ZNF423: variants seen among roughly 807,000 people sequenced by gnomAD.
ZNF423 encodes the protein Ebf-associated zinc finger protein.
Under a neutral mutation model 95.8 loss-of-function variants are expected in ZNF423, and 12 were observed. The observed-to-expected ratio is 0.13, with a 90% CI of 0.08 to 0.20. The LOEUF is 0.20. ZNF423 is among the 10% of genes least tolerant of loss of function. The pLI is 1.00. For synonymous variants in ZNF423, 749 were observed against 711.9 expected, an observed-to-expected ratio of 1.05 and a Z score of -0.83; for missense variants, 1,316 against 1,737.1, an observed-to-expected ratio of 0.76 and a Z score of 4.31.
At chr16:49,796,346 C>G (rs889786059) in intron 1 of ZNF423, among the ~76,000 whole-genome samples, 1 of 152,212 alleles carries the variant, frequency 6.6e-6, no homozygotes, top group Non-Finnish European at 1.5e-5. Flanking sequence ...GCATGCACCA[C>G]CTCCTCCAGG....
intron 1 of ZNF423, among the ~76,000 whole-genome samples, chr16:49,805,000 A>G (rs1290194058): frequency 1.3e-5 from 2 of 150,910 alleles, no homozygotes; most frequent in Non-Finnish European, 2.9e-5. Flanking sequence ...CCTGGGTTCA[A>G]GCAATTCTCC....
chr16:49,815,274 A>G (rs1161152269), intron 1 of ZNF423, among the ~76,000 whole-genome samples: 1 of 152,126 alleles, frequency 6.6e-6, no homozygotes. Context: ...CTGCTCCACC[A>G]AAACGAACCA....
intron 3 of ZNF423, among the ~76,000 whole-genome samples, chr16:49,713,968 A>G (rs1170401373): frequency 6.6e-6 from 1 of 152,120 alleles, no homozygotes; most frequent in East Asian, 1.9e-4. Flanking sequence ...CTGCAACTCC[A>G]TCACGCCTCC....
chr16:49,599,735 G>T (rs1470699714), intron 5 of ZNF423, among the ~76,000 whole-genome samples: 1 of 152,190 alleles, frequency 6.6e-6, no homozygotes, highest in South Asian at 2.1e-4. Flanking sequence ...TAAATGTAGA[G>T]CCAAAGAAGC....
At chr16:49,548,057 G>T (rs1010262938) in intron 5 of ZNF423, among the ~76,000 whole-genome samples, 1 of 152,192 alleles carries the variant, frequency 6.6e-6, no homozygotes, top group African/African-American at 2.4e-5. Context: ...TCCCTGGGGA[G>T]TTGAGAGAGG....
intron 5 of ZNF423, among the ~76,000 whole-genome samples, chr16:49,543,940 A>C (rs1240774496): frequency 6.6e-6 from 1 of 152,244 alleles, no homozygotes; most frequent in Admixed American, 6.5e-5. Flanking sequence ...CTCTGTGAGG[A>C]CCAGCAGAGG....
chr16:49,511,228 C>T (rs1967884283), intron 7 of ZNF423, among the ~76,000 whole-genome samples: 1 of 152,226 alleles, frequency 6.6e-6, no homozygotes. Flanking sequence ...CAGGGCTGTC[C>T]AGACCAGCGA....
At chr16:49,682,956 C>T (rs988642218) in intron 3 of ZNF423, among the ~76,000 whole-genome samples, 1 of 152,188 alleles carries the variant, frequency 6.6e-6, no homozygotes, top group Non-Finnish European at 1.5e-5. Flanking sequence ...ACCGGGCACC[C>T]GTGTCATGCA....
chr16:49,769,547 A>G lies in ZNF423; in HGVS notation c.100+19940T>C, dbSNP rs113149309. Among the ~76,000 whole-genome samples the G allele has an allele frequency of 8.0e-3, 1,222 of 152,022 alleles. 16 individuals carry two copies. Among genetic ancestry groups the G allele is most frequent in the African/African-American group, 0.028 (1,153 of 41,462 alleles). On this transcript the variant is annotated intron_variant, in intron 2 of 7. Coordinates refer to ENST00000563137, the MANE Select transcript of ZNF423 (RefSeq NM_001379286.1). ...AACTAGAGGGACCTCTTCCAGATAT[A>G]AACCTGATCACGCCACTGCCCTGTG... is the stretch of plus-strand genomic sequence containing the variant.
chr16:49,581,801 G>A (rs772800791), intron 5 of ZNF423, among the ~76,000 whole-genome samples: 3 of 152,086 alleles, frequency 2.0e-5, no homozygotes, highest in Non-Finnish European at 4.4e-5. Flanking sequence ...AGCAAGGCTC[G>A]AGGAATGCCA....
At chr16:49,852,846 T>C (rs1388735995) in intron 1 of ZNF423, among the ~76,000 whole-genome samples, 1 of 147,350 alleles carries the variant, frequency 6.8e-6, no homozygotes, top group African/African-American at 2.5e-5. Flanking sequence ...ACAAACACAC[T>C]GCGGGGACAA....
chr16:49,487,657 G>A lies in ZNF423; in HGVS notation c.*3618C>T, dbSNP rs1263833132. On this transcript the variant is annotated 3_prime_UTR_variant, in exon 8 of 8. Coordinates refer to ENST00000563137, the MANE Select transcript of ZNF423 (RefSeq NM_001379286.1). ...TATAGTCGCAAGTCTATCCTGAATGGTATGATCTTGGACAAGATTCTGAAC... is the reference window on the plus strand; with the variant it reads ...TATAGTCGCAAGTCTATCCTGAATGATATGATCTTGGACAAGATTCTGAAC... 3 of 152,190 alleles carry A rather than the reference G, an allele frequency of 2.0e-5. No individual in the cohort carries two copies. Among genetic ancestry groups the A allele is most frequent in the African/African-American group, 4.8e-5 (2 of 41,446 alleles). The allele number at this position is 152,190 out of a possible 1,614,324, so 9.4% of individuals were successfully genotyped here. A position where few individuals can be genotyped will look rare whatever the true frequency, so the allele number is the denominator to read the frequency against.
intron 3 of ZNF423, among the ~76,000 whole-genome samples, chr16:49,649,773 C>T (rs1973329565): frequency 6.6e-6 from 1 of 151,892 alleles, no homozygotes; most frequent in Non-Finnish European, 1.5e-5. Context: ...ACCCCTGGGA[C>T]ATCAAAAGTC....
intron 2 of ZNF423, among the ~76,000 whole-genome samples, chr16:49,772,286 T>A (rs1351329038): frequency 6.6e-6 from 1 of 152,238 alleles, no homozygotes; most frequent in Admixed American, 6.5e-5. Flanking sequence ...TTTCATTCTA[T>A]CCGGACCATC....
intron 3 of ZNF423, among the ~76,000 whole-genome samples, chr16:49,681,993 C>A (rs2031377549): frequency 6.6e-6 from 1 of 151,890 alleles, no homozygotes; most frequent in Non-Finnish European, 1.5e-5. Context: ...TCACAGCCCC[C>A]ATGTCTATCT....
chr16:49,624,596 G>T (rs1972197990), intron 5 of ZNF423, among the ~76,000 whole-genome samples: 2 of 152,050 alleles, frequency 1.3e-5, no homozygotes, highest in African/African-American at 4.8e-5. Context: ...ACATGTCCAT[G>T]AATATGCCAG....
intron 5 of ZNF423, among the ~76,000 whole-genome samples, chr16:49,547,920 A>T (rs1969499429): frequency 6.6e-6 from 1 of 152,134 alleles, no homozygotes; most frequent in South Asian, 2.1e-4. Context: ...CATCCCCACC[A>T]ATTGTGCGTT....
rs758301410 is a variant in ZNF423 at position 49,636,893 on chromosome 16, C to G, written c.2283G>C (p.Thr761=). 2 of 1,613,990 alleles carry G rather than the reference C, an allele frequency of 1.2e-6. No homozygotes were observed. Among genetic ancestry groups the G allele is most frequent in the Non-Finnish European group, 1.7e-6 (2 of 1,180,042 alleles). The change falls in exon 4 of 8, where the codon ACG becomes ACC. Residue 761 remains threonine, a synonymous_variant. Transcript: ENST00000563137. The surrounding 1 kb of genome is among the most constrained non-coding windows in gnomAD (Gnocchi z 8.6). ...HSNEKKMYRC[T]ACNWDFRKEA... ...CCTTGCGGAAGTCCCAGTTGCAGGC[C>G]GTGCAGCGGTACATCTTCTTCTCAT... is the stretch of plus-strand genomic sequence containing the variant.
chr16:49,510,059 A>C (rs1967819659), intron 7 of ZNF423, among the ~76,000 whole-genome samples: 1 of 152,226 alleles, frequency 6.6e-6, no homozygotes, highest in Non-Finnish European at 1.5e-5. Context: ...ACACGACATC[A>C]AGCGAGTGGC....
Sources: gnomAD v4.1 joint callset for allele counts (sites outside exome capture counted in the v4.1 genomes callset) on GRCh38, gnomAD v4.1.1 for gene constraint, Gnocchi (gnomAD v3.1) non-coding constraint, MANE v1.5 for transcripts, NCBI Gene and HGNC (gene_info 2026-07-23, HGNC 2026-07-21) for gene names.